The following GRIP2 variants were observed in gnomAD, a reference collection of about 807,000 sequenced individuals.
GRIP2 encodes glutamate receptor interacting protein 2.
In GRIP2, 58 loss-of-function variants were observed where a neutral mutation model predicts 108.3. That is an observed-to-expected ratio of 0.54 (90% confidence interval 0.43 to 0.67). The LOEUF is 0.67. Among genes scored for constraint, GRIP2 ranks in the 30% least tolerant of loss-of-function variants. The probability of loss-of-function intolerance (pLI) is 0.00; values close to 1 mark genes in which losing one functional copy is unlikely to be tolerated. For missense variants in GRIP2, 1,278 were observed against 1,430.6 expected (o/e 0.89, Z 1.72); for synonymous variants, 586 against 598.2 (o/e 0.98, Z 0.30).
chr3:14,497,565 G>A (rs1480785674), intron 21 of GRIP2, among the ~76,000 whole-genome samples: 4 of 152,318 alleles, frequency 2.6e-5, no homozygotes, highest in African/African-American at 7.2e-5. Context: ...GTCCTGCGGC[G>A]CCCTCTAGAC....
chr3:14,567,593 C>A, the GRIP2 span, among the ~76,000 whole-genome samples: 1 of 152,298 alleles, frequency 6.6e-6, no homozygotes. Context: ...CTCTTCTAGT[C>A]CTCAAACAAG....
At chr3:14,525,758 A>C (rs1472297595) in intron 2 of GRIP2, 93 bp downstream of exon 2, 2 of 1,354,200 alleles carry the variant, frequency 1.5e-6, no homozygotes, top group Non-Finnish European at 2.1e-6. Flanking sequence ...GTCACAGAGC[A>C]AGTCAGTGGC....
chr3:14,550,060 AG>A (rs1381858559), intron 1 of GRIP2, among the ~76,000 whole-genome samples: 1 of 151,242 alleles, frequency 6.6e-6, no homozygotes, highest in Non-Finnish European at 1.5e-5. Flanking sequence ...GGAGCCCTGC[AG>A]GGTTTGGGGG....
chr3:14,521,694 C>T lies in GRIP2; in HGVS notation c.660G>A (p.Arg220=), dbSNP rs535303424. The T allele has an allele frequency of 5.6e-6, 9 of 1,611,938 alleles. No homozygotes were observed. The East Asian group carries it at 1.8e-4, about 32-fold the overall frequency. Residue 220 remains arginine, a synonymous_variant, in exon 7 of 24, where the codon CGG becomes CGA. Coordinates refer to ENST00000621039, the MANE Select transcript of GRIP2 (RefSeq NM_001080423.4). The surrounding 1 kb of genome is among the most constrained non-coding windows in gnomAD (Gnocchi z 5.1). Reference sequence around the variant, plus strand: ...GAAAGAGTGCCTCGTGGCTGCACTGCCGCAGGGTGGCCAGGGCGGTGGCAT... The same window carrying T: ...GAAAGAGTGCCTCGTGGCTGCACTGTCGCAGGGTGGCCAGGGCGGTGGCAT... ...ASHATALATL[R]QCSHEALFQV...
At chr3:14,520,345 C>G (rs374691021) in intron 8 of GRIP2, 45 bp downstream of exon 8, 28 of 1,610,878 alleles carry the variant, frequency 1.7e-5, no homozygotes, top group South Asian at 4.4e-5. Context: ...GCCGCCTCTC[C>G]CCTGCACACA....
At chr3:14,533,290 T>C (rs1417098623) in intron 1 of GRIP2, among the ~76,000 whole-genome samples, 1 of 152,250 alleles carries the variant, frequency 6.6e-6, no homozygotes, top group African/African-American at 2.4e-5. Flanking sequence ...ATTCTGGAAT[T>C]AAAATACGTC....
Position 14,521,837 on chromosome 3 carries a change from C to A in GRIP2, c.567-50G>T. ...CCTGGCCCGGCAGCAGCACTGGGCA[C>A]AGCCTGTCTGGGAGGGCGCTGGGAA... On this transcript the variant is annotated intron_variant, in intron 6 of 23. Transcript: ENST00000621039. This position sits in a 1 kb window ranked among gnomAD's most constrained non-coding sequence, Gnocchi z 5.1. 6.7e-7 allele frequency: 1 copy of A among 1,500,498 alleles called. No individual in the cohort carries two copies. The highest frequency in any genetic ancestry group is 8.9e-7 in the Non-Finnish European group (1 of 1,122,518). The allele number at this position is 1,500,498 out of a possible 1,614,324, so 92.9% of individuals were successfully genotyped here.
At chr3:14,504,954 C>G (rs1693877293) in intron 20 of GRIP2, among the ~76,000 whole-genome samples, 1 of 152,162 alleles carries the variant, frequency 6.6e-6, no homozygotes, top group African/African-American at 2.4e-5. Context: ...TTTAGGCTAC[C>G]AGGAGACTTG....
the GRIP2 span, among the ~76,000 whole-genome samples, chr3:14,579,046 C>T: frequency 1.3e-5 from 2 of 152,258 alleles, no homozygotes; most frequent in East Asian, 3.9e-4. Context: ...TCCACAGCAT[C>T]CCAAACTAGA....
At chr3:14,506,683 G>A in intron 19 of GRIP2, 118 bp downstream of exon 19, 1 of 981,872 alleles carries the variant, frequency 1.0e-6, no homozygotes, top group Non-Finnish European at 1.4e-6. Context: ...GCCCCTAAAG[G>A]ATGCCAGGAG....
chr3:14,518,140 C>G (rs1227214805), intron 9 of GRIP2, among the ~76,000 whole-genome samples: 3 of 152,222 alleles, frequency 2.0e-5, no homozygotes, highest in Non-Finnish European at 4.4e-5. Context: ...CAGGCCGAGG[C>G]CCACTGCTGG....
At chr3:14,528,563 G>A (rs7620516) in intron 1 of GRIP2, among the ~76,000 whole-genome samples, 62,740 of 151,888 alleles carry the variant, frequency 0.41, 14,148 homozygotes, top group South Asian at 0.61. Flanking sequence ...GGGTTTAAAC[G>A]AAAAAATTTA....
Position 14,521,637 on chromosome 3 carries a change from C to A in GRIP2, c.712+5G>T, listed in dbSNP as rs1297350640. 2 of 1,601,760 alleles carry A rather than the reference C, an allele frequency of 1.2e-6. No homozygotes were observed. The highest frequency in any genetic ancestry group is 1.7e-6 in the Non-Finnish European group (2 of 1,172,926). ...CCAACCCACACACTCAGGCCCCCAA[C>A]TCACCAGGGGTGGCCACATCATACT... On this transcript the variant is annotated splice_donor_5th_base_variant and intron_variant, in intron 7 of 23. Coordinates refer to ENST00000621039, the MANE Select transcript of GRIP2 (RefSeq NM_001080423.4). This position sits in a 1 kb window ranked among gnomAD's most constrained non-coding sequence, Gnocchi z 5.1.
chr3:14,508,471 A>G (rs1256288528), intron 17 of GRIP2, among the ~76,000 whole-genome samples: 1 of 152,212 alleles, frequency 6.6e-6, no homozygotes, highest in Non-Finnish European at 1.5e-5. Flanking sequence ...GAGGAAAAGG[A>G]GGCAGAGGAC....
At chr3:14,526,485 T>G (rs569931306) in intron 1 of GRIP2, among the ~76,000 whole-genome samples, 3 of 152,208 alleles carry the variant, frequency 2.0e-5, no homozygotes, top group Non-Finnish European at 4.4e-5. Context: ...TCATGAGGAC[T>G]GCACTTTACA....
chr3:14,523,711 G>C lies in GRIP2; in HGVS notation c.404-13C>G. 6.3e-7 allele frequency: 1 copy of C among 1,589,562 alleles called. No homozygotes were observed. Among genetic ancestry groups the C allele is most frequent in the Non-Finnish European group, 8.6e-7 (1 of 1,161,666 alleles). On this transcript the variant is annotated splice_polypyrimidine_tract_variant and intron_variant, in intron 4 of 23. Coordinates refer to ENST00000621039, the MANE Select transcript of GRIP2 (RefSeq NM_001080423.4). ...TTATTCTCAGGAGCTGGGGAGAAAT[G>C]GAGGACTCCTTTGAGTCCCTCAGTC... is the stretch of plus-strand genomic sequence containing the variant.
Position 14,525,579 on chromosome 3 carries a change from A to G in GRIP2, c.122-7T>C, listed in dbSNP as rs374626707. The stretch of plus-strand genomic sequence containing the variant: ...GTGATCCCTCGGAACTCCTCTGCCA[A>G]CAGATGGGGATGGGGGCTTGAGCGG... On this transcript the variant is annotated splice_polypyrimidine_tract_variant and splice_region_variant and intron_variant, in intron 2 of 23. Coordinates refer to ENST00000621039, the MANE Select transcript of GRIP2 (RefSeq NM_001080423.4). 1.2e-6 allele frequency: 2 copies of G among 1,613,514 alleles called. No individual in the cohort carries two copies. Among genetic ancestry groups the G allele is most frequent in the Non-Finnish European group, 8.5e-7 (1 of 1,179,800 alleles).
the GRIP2 span, among the ~76,000 whole-genome samples, chr3:14,596,575 G>A: frequency 1.4e-4 from 22 of 152,132 alleles, no homozygotes; most frequent in Non-Finnish European, 2.9e-5. Flanking sequence ...CGGGAATACA[G>A]TGGAAAGCAA....
chr3:14,498,042 G>A lies in GRIP2; in HGVS notation c.2680-1482C>T, dbSNP rs150790826. Among the ~76,000 whole-genome samples, 210 of 152,274 alleles carry A rather than the reference G, an allele frequency of 1.4e-3. 3 individuals are homozygous for A. The highest frequency in any genetic ancestry group is 5.0e-3 in the African/African-American group (206 of 41,548). On this transcript the variant is annotated intron_variant, in intron 21 of 23. Coordinates refer to ENST00000621039, the MANE Select transcript of GRIP2 (RefSeq NM_001080423.4). ...GGCACACAATTGTCTCCCCAGCCTA[G>A]AAACATCTCTCCTTCTACCCATCAC... is the stretch of plus-strand genomic sequence containing the variant.
Sources: allele counts gnomAD v4.1 joint callset (sites outside exome capture counted in the v4.1 genomes callset), GRCh38; gene constraint gnomAD v4.1.1; non-coding constraint Gnocchi (gnomAD v3.1); transcripts MANE v1.5; gene names NCBI Gene and HGNC (gene_info 2026-07-23, HGNC 2026-07-21).